RBFOX1: variants seen among roughly 807,000 people sequenced by gnomAD.
RBFOX1 encodes RNA binding protein fox-1 homolog 1.
Under a neutral mutation model 57.7 loss-of-function variants are expected in RBFOX1, and 8 were observed. The observed-to-expected ratio is 0.14, with a 90% CI of 0.08 to 0.25. The LOEUF (loss-of-function observed/expected upper bound fraction) is 0.25. Among genes scored for constraint, RBFOX1 ranks in the 10% least tolerant of loss-of-function variants. The probability of loss-of-function intolerance (pLI) is 1.00; values close to 1 mark genes in which losing one functional copy is unlikely to be tolerated. For missense variants in RBFOX1, 611 were observed against 548.5 expected (o/e 1.11, Z -1.14); for synonymous variants, 326 against 222.4 (o/e 1.47, Z -4.15).
At chr16:5,576,158 AT>A (rs201774860) in intron 2 of RBFOX1, among the ~76,000 whole-genome samples, 1 of 151,598 alleles carries the variant, frequency 6.6e-6, no homozygotes, top group Non-Finnish European at 1.5e-5. Flanking sequence ...TAATGTTTGT[AT>A]TTTTTTTAGT....
intron 4 of RBFOX1, among the ~76,000 whole-genome samples, chr16:7,157,467 T>C (rs1292897285): frequency 6.6e-6 from 1 of 152,122 alleles, no homozygotes; most frequent in Non-Finnish European, 1.5e-5. Context: ...ATAGGTGCAA[T>C]TCTGCCCTGG....
intron 3 of RBFOX1, among the ~76,000 whole-genome samples, chr16:6,684,799 A>G (rs866394713): frequency 2.6e-5 from 4 of 152,162 alleles, no homozygotes; most frequent in African/African-American, 9.7e-5. Context: ...GGAAAAGAAA[A>G]ATTCCTTAAA....
intron 4 of RBFOX1, among the ~76,000 whole-genome samples, chr16:7,191,229 T>A (rs1405951729): frequency 3.9e-5 from 6 of 152,184 alleles, no homozygotes; most frequent in African/African-American, 1.4e-4. Context: ...ATAATGGATT[T>A]CTTCAGTCTT....
chr16:5,919,658 G>A (rs534402320), intron 4 of RBFOX1, among the ~76,000 whole-genome samples: 2 of 152,102 alleles, frequency 1.3e-5, no homozygotes, highest in African/African-American at 2.4e-5. Context: ...ATTTTAAAGC[G>A]TATAATTCCA....
intron 2 of RBFOX1, among the ~76,000 whole-genome samples, chr16:6,498,662 A>G (rs913547911): frequency 6.6e-6 from 1 of 152,222 alleles, no homozygotes; most frequent in Non-Finnish European, 1.5e-5. Flanking sequence ...GGACTTCGAT[A>G]AGGGTTTCTA....
intron 3 of RBFOX1, among the ~76,000 whole-genome samples, chr16:5,858,373 C>G (rs752585448): frequency 7.9e-5 from 12 of 152,178 alleles, no homozygotes; most frequent in African/African-American, 2.4e-4. Flanking sequence ...ATGGGCTTGT[C>G]ACAGCTCAGA....
At chr16:6,740,354 C>T (rs2071688046) in intron 3 of RBFOX1, among the ~76,000 whole-genome samples, 1 of 152,132 alleles carries the variant, frequency 6.6e-6, no homozygotes. Context: ...AGGAACAAGA[C>T]ACCACTGCTA....
chr16:7,217,204 A>C (rs1300047159), intron 4 of RBFOX1, among the ~76,000 whole-genome samples: 1 of 150,976 alleles, frequency 6.6e-6, no homozygotes, highest in African/African-American at 2.4e-5. Context: ...TTCCGGATTG[A>C]AGAGATTCTC....
At chr16:5,592,387 A>C (rs1388604820) in intron 2 of RBFOX1, among the ~76,000 whole-genome samples, 1 of 149,442 alleles carries the variant, frequency 6.7e-6, no homozygotes, top group African/African-American at 2.5e-5. Context: ...AATTAGAAGG[A>C]TCTTCACTAC....
chr16:6,086,875 G>T (rs1001912053), intron 1 of RBFOX1, among the ~76,000 whole-genome samples: 1 of 152,164 alleles, frequency 6.6e-6, no homozygotes, highest in African/African-American at 2.4e-5. Context: ...TGTTCATTCT[G>T]GTTTAGGGTC....
intron 3 of RBFOX1, among the ~76,000 whole-genome samples, chr16:7,035,656 G>A (rs2044192706): frequency 6.6e-6 from 1 of 152,124 alleles, no homozygotes; most frequent in South Asian, 2.1e-4. Context: ...TACTTCCAGT[G>A]TCTAATTAAT....
chr16:6,668,100 T>C (rs1203530622), intron 3 of RBFOX1, among the ~76,000 whole-genome samples: 3 of 152,200 alleles, frequency 2.0e-5, no homozygotes, highest in Admixed American at 2.0e-4. Context: ...TCTAGAGTTT[T>C]GTGTATCCTG....
intron 7 of RBFOX1, among the ~76,000 whole-genome samples, chr16:7,588,110 T>C (rs9927733): frequency 9.7e-4 from 147 of 152,138 alleles, no homozygotes; most frequent in African/African-American, 3.3e-3. Flanking sequence ...ACCCAGGAGG[T>C]AGTAGTTGCA....
intron 3 of RBFOX1, among the ~76,000 whole-genome samples, chr16:5,807,674 T>A (rs2055276939): frequency 6.6e-6 from 1 of 152,198 alleles, no homozygotes; most frequent in Admixed American, 6.5e-5. Flanking sequence ...AGTCCTGGCT[T>A]CTGAGAGAGA....
At chr16:5,476,413 T>G (rs796503392) in intron 2 of RBFOX1, among the ~76,000 whole-genome samples, 1 of 152,304 alleles carries the variant, frequency 6.6e-6, no homozygotes, top group East Asian at 1.9e-4. Context: ...TGCAAGATTC[T>G]CCATTACTCT....
chr16:7,024,381 G>T (rs2040253262), intron 3 of RBFOX1, among the ~76,000 whole-genome samples: 1 of 152,124 alleles, frequency 6.6e-6, no homozygotes, highest in Non-Finnish European at 1.5e-5. Flanking sequence ...GTGCAATGAA[G>T]CTTGATGCCT....
chr16:5,724,301 A>G (rs1458233473), intron 3 of RBFOX1, among the ~76,000 whole-genome samples: 1 of 152,156 alleles, frequency 6.6e-6, no homozygotes, highest in African/African-American at 2.4e-5. Context: ...TGCGCACCCT[A>G]AAGGCACGGT....
intron 3 of RBFOX1, among the ~76,000 whole-genome samples, chr16:5,692,442 T>A (rs2050717392): frequency 6.6e-6 from 1 of 151,944 alleles, no homozygotes; most frequent in African/African-American, 2.4e-5. Context: ...AGACTTGAAG[T>A]GGATCTTTCC....
At chr16:7,095,818 C>G (rs961240693) in intron 4 of RBFOX1, among the ~76,000 whole-genome samples, 5 of 152,044 alleles carry the variant, frequency 3.3e-5, no homozygotes, top group African/African-American at 7.2e-5. Flanking sequence ...CGAGACCATC[C>G]TGGCTAACAC....
Sources: allele counts gnomAD v4.1 joint callset (sites outside exome capture counted in the v4.1 genomes callset), GRCh38; gene constraint gnomAD v4.1.1; transcripts MANE v1.5; gene names NCBI Gene and HGNC (gene_info 2026-07-23, HGNC 2026-07-21).